Variants in PIK3C2A observed in about 807,000 individuals in gnomAD.
The protein encoded by PIK3C2A is phosphatidylinositol 4-phosphate 3-kinase C2 domain-containing subunit alpha.
In PIK3C2A, 97 loss-of-function variants were observed where a neutral mutation model predicts 204.5. The observed-to-expected ratio is 0.47, with a 90% CI of 0.40 to 0.56. The LOEUF is 0.56. PIK3C2A is among the 20% of genes least tolerant of loss of function. The pLI is 0.00. For missense variants in PIK3C2A, 1,735 were observed against 1,969.2 expected, an observed-to-expected ratio of 0.88 and a Z score of 2.25; for synonymous variants, 653 against 664.4, an observed-to-expected ratio of 0.98 and a Z score of 0.26.
intron 1 of PIK3C2A, among the ~76,000 whole-genome samples, chr11:17,195,005 G>A (rs997082413): frequency 6.6e-5 from 10 of 151,794 alleles, no homozygotes; most frequent in Admixed American, 5.3e-4. Context: ...ATTTTGTTAC[G>A]TTAAGTATGC....
rs1394977639 is a variant in PIK3C2A at position 17,145,693 on chromosome 11, T to C, written c.1679A>G (p.Gln560Arg). Residue 560 changes from glutamine to arginine, a missense_variant, in exon 8 of 33, where the codon CAA (glutamine) becomes CGA (arginine). Coordinates refer to ENST00000691414, the MANE Select transcript of PIK3C2A (RefSeq NM_002645.4). ...VEELLDSYHN[Q>R]VELALQIENQ... ...TTCAATTTGAAGAGCCAGTTCTACT[T>C]GGTTGTGATAAGAATCTAAGAGTTC... 2.5e-6 allele frequency: 4 copies of C among 1,608,802 alleles called. No homozygotes were observed. The highest frequency in any genetic ancestry group is 3.4e-6 in the Non-Finnish European group (4 of 1,175,852).
intron 1 of PIK3C2A, among the ~76,000 whole-genome samples, chr11:17,180,470 T>C (rs1851500197): frequency 6.6e-6 from 1 of 151,246 alleles, no homozygotes; most frequent in Admixed American, 6.6e-5. Context: ...CTAATCTTTC[T>C]AATACATTAA....
intron 25 of PIK3C2A, among the ~76,000 whole-genome samples, chr11:17,101,073 T>C (rs1848610231): frequency 6.6e-6 from 1 of 152,188 alleles, no homozygotes; most frequent in South Asian, 2.1e-4. Context: ...TTTTTTGTAT[T>C]TTATACAAAT....
intron 2 of PIK3C2A, among the ~76,000 whole-genome samples, chr11:17,159,170 C>G (rs1251371591): frequency 6.6e-6 from 1 of 152,216 alleles, no homozygotes; most frequent in East Asian, 1.9e-4. Context: ...GACTTTTCTT[C>G]TGTGGCACTC....
chr11:17,144,894 C>CA (rs35069519), intron 8 of PIK3C2A, among the ~76,000 whole-genome samples: 13,655 of 77,496 alleles, frequency 0.18, 4,010 homozygotes, highest in Non-Finnish European at 0.26. Flanking sequence ...GACTCAGCCT[C>CA]AAAAAAAAAA....
chr11:17,172,858 T>C (rs988320492), intron 1 of PIK3C2A, among the ~76,000 whole-genome samples: 7 of 152,244 alleles, frequency 4.6e-5, no homozygotes, highest in South Asian at 2.1e-4. Context: ...CTTAGGGTCC[T>C]GTGCCACAAA....
chr11:17,110,169 A>T (rs551612263), intron 22 of PIK3C2A, among the ~76,000 whole-genome samples: 163 of 151,452 alleles, frequency 1.1e-3, no homozygotes, highest in African/African-American at 3.8e-3. Context: ...CCCAGGTTGG[A>T]CTCAAACTCC....
chr11:17,135,012 T>G lies in PIK3C2A; in HGVS notation c.1915A>C (p.Asn639His), dbSNP rs1040749309. ...SSTRGSLNPE[N>H]PVQVSINQLT... ...TGGTTTATGCTTACTTGAACAGGAT[T>G]TTCAGGATTAAGTGAGCCTAGATTA... The change falls in exon 11 of 33, where the codon AAT becomes CAT. Residue 639 changes from asparagine to histidine, a missense_variant. Around this residue, in one of 6 missense-constraint regions of PIK3C2A, gnomAD observed 567 missense variants for 576.0 expected, o/e 0.98. Transcript: ENST00000691414. The G allele has an allele frequency of 1.2e-6, 2 of 1,613,860 alleles. No individual in the cohort carries two copies. Among genetic ancestry groups the G allele is most frequent in the African/African-American group, 2.7e-5 (2 of 74,924 alleles).
chr11:17,138,048 A>G (rs770572274), intron 8 of PIK3C2A: 9 of 651,226 alleles, frequency 1.4e-5, no homozygotes, highest in South Asian at 2.9e-5. Flanking sequence ...TGATAAGGAA[A>G]GCATGCTTGA....
At chr11:17,132,463 G>T (rs1414561488) in intron 11 of PIK3C2A, among the ~76,000 whole-genome samples, 1 of 151,196 alleles carries the variant, frequency 6.6e-6, no homozygotes, top group East Asian at 1.9e-4. Flanking sequence ...CCGAGTAGCT[G>T]GGACTACAGG....
intron 2 of PIK3C2A, among the ~76,000 whole-genome samples, chr11:17,160,315 A>C (rs570077409): frequency 3.9e-5 from 6 of 152,344 alleles, no homozygotes; most frequent in Non-Finnish European, 7.3e-5. Context: ...AAGGCTAGAC[A>C]AAGAAAAAGG....
rs966345053 is a variant in PIK3C2A, at chr11:17,179,493, T to G, written c.-65-9687A>C. On this transcript the variant is annotated intron_variant, in intron 1 of 32. Transcript: ENST00000691414. ...CAGCCTTTAAATGAGGTCTTATCCT[T>G]TATAACTTTTTAATTTTTAAAGTAC... Among the ~76,000 whole-genome samples the G allele has an allele frequency of 7.2e-5, 11 of 152,224 alleles. No homozygotes were observed. In the South Asian group the frequency reaches 2.3e-3, roughly 32 times the overall value.
In PIK3C2A at chr11:17,091,580, A is replaced by G. The variant is rs756697632; in HGVS notation, c.4719T>C (p.Thr1573=). The G allele has an allele frequency of 1.2e-6, 2 of 1,613,120 alleles. No individual in the cohort carries two copies. Among genetic ancestry groups the G allele is most frequent in the Admixed American group, 3.3e-5 (2 of 59,986 alleles). The part of the protein sequence containing the change: ...VKLSISYRNG[T]LFIMVMHIKD... ...TGATATGCATCACCATGATGAAAAGAGTACCATTTCGGTAAGAGATGGATA... is the reference window on the plus strand; with the variant it reads ...TGATATGCATCACCATGATGAAAAGGGTACCATTTCGGTAAGAGATGGATA... Residue 1573 remains threonine (T), a synonymous_variant, in exon 31 of 33, where the codon ACT becomes ACC. Coordinates refer to ENST00000691414, the MANE Select transcript of PIK3C2A (RefSeq NM_002645.4).
At chr11:17,110,840 T>C (rs1033140285) in intron 21 of PIK3C2A, among the ~76,000 whole-genome samples, 2 of 152,202 alleles carry the variant, frequency 1.3e-5, no homozygotes, top group Non-Finnish European at 2.9e-5. Context: ...CATATCTCAG[T>C]TCCCTGAACT....
chr11:17,180,242 G>T (rs1428106191), intron 1 of PIK3C2A, among the ~76,000 whole-genome samples: 1 of 152,036 alleles, frequency 6.6e-6, no homozygotes, highest in Non-Finnish European at 1.5e-5. Context: ...TCAGCAGGGC[G>T]TGGTGGCACA....
chr11:17,118,758 A>T lies in PIK3C2A; in HGVS notation c.2941-19T>A. ...TCAAAGCCTACAGTAAAAGAAAATA[A>T]GAATTATTAGTGGTCTAACCCATAC... is the stretch of plus-strand genomic sequence containing the variant. On this transcript the variant is annotated intron_variant, in intron 17 of 32. Coordinates refer to ENST00000691414, the MANE Select transcript of PIK3C2A (RefSeq NM_002645.4). 8.4e-7 allele frequency: 1 copy of T among 1,190,764 alleles called. No homozygotes were observed. The highest frequency in any genetic ancestry group is 1.8e-5 in the Admixed American group (1 of 55,068). 73.8% of individuals were successfully genotyped at this position (1,190,764 alleles called of 1,614,324 possible). A position where few individuals can be genotyped will look rare whatever the true frequency, so the allele number is the denominator to read the frequency against.
At chr11:17,114,942 T>C (rs898764995) in intron 19 of PIK3C2A, among the ~76,000 whole-genome samples, 1 of 152,084 alleles carries the variant, frequency 6.6e-6, no homozygotes, top group South Asian at 2.1e-4. Context: ...AGCAAAGAAA[T>C]AAAAATGTAC....
intron 24 of PIK3C2A, among the ~76,000 whole-genome samples, chr11:17,101,845 C>T (rs779094020): frequency 3.8e-4 from 57 of 151,892 alleles, no homozygotes; most frequent in Middle Eastern, 6.8e-3. Flanking sequence ...CCTTGTGATC[C>T]GCCCGCCTTG....
chr11:17,201,696 T>A (rs1396572303), intron 1 of PIK3C2A, among the ~76,000 whole-genome samples: 35 of 152,164 alleles, frequency 2.3e-4, no homozygotes, highest in Non-Finnish European at 7.3e-5. Flanking sequence ...ATTTACAATC[T>A]AAACTCTTTA....
Sources: gnomAD v4.1 joint callset for allele counts (sites outside exome capture counted in the v4.1 genomes callset) on GRCh38, gnomAD v4.1.1 for gene constraint, gnomAD v4.1.1 regional missense constraint, MANE v1.5 for transcripts, NCBI Gene and HGNC (gene_info 2026-07-23, HGNC 2026-07-21) for gene names.